Variants in DGKI observed in about 807,000 individuals in gnomAD.
DGKI encodes diacylglycerol kinase iota.
DGKI carries 55 observed loss-of-function variants against 147.5 expected under a neutral mutation model. That is an observed-to-expected ratio of 0.37 (90% CI 0.30 to 0.47). DGKI has a LOEUF of 0.47. Among genes scored for constraint, DGKI ranks in the 20% least tolerant of loss-of-function variants. The probability of loss-of-function intolerance (pLI) is 1.00; values close to 1 mark genes in which losing one functional copy is unlikely to be tolerated. For missense variants in DGKI, 1,007 were observed against 1,323.8 expected (o/e 0.76, Z 3.71); for synonymous variants, 469 against 477.1 (o/e 0.98, Z 0.22).
intron 21 of DGKI, among the ~76,000 whole-genome samples, chr7:137,499,263 T>C (rs970440899): frequency 6.6e-6 from 1 of 152,166 alleles, no homozygotes; most frequent in African/African-American, 2.4e-5. Context: ...TATTTCTTAG[T>C]CTAAGTGGCA....
intron 27 of DGKI, among the ~76,000 whole-genome samples, chr7:137,459,770 G>A (rs373151081): frequency 6.6e-6 from 1 of 151,826 alleles, no homozygotes; most frequent in Admixed American, 6.6e-5. Flanking sequence ...CACTGAGCCC[G>A]GCCAAAAATT....
intron 28 of DGKI, among the ~76,000 whole-genome samples, chr7:137,436,297 C>G (rs1813283694): frequency 6.6e-6 from 1 of 152,076 alleles, no homozygotes; most frequent in African/African-American, 2.4e-5. Context: ...TTTTCTGTGT[C>G]AAGGGTTTTT....
chr7:137,384,462 C>A lies in DGKI; in HGVS notation c.*6758G>T, dbSNP rs755249853. On this transcript the variant is annotated 3_prime_UTR_variant, in exon 33 of 33. Coordinates refer to ENST00000614521, the MANE Select transcript of DGKI (RefSeq NM_001321708.2). ...ATCTGAACAATTGATATAAAACATC[C>A]TTGAAGGCAATGATGGAAAATGACT... The A allele has an allele frequency of 5.3e-5, 8 of 151,620 alleles. No individual in the cohort carries two copies. Among genetic ancestry groups the A allele is most frequent in the Non-Finnish European group, 1.0e-4 (7 of 67,906 alleles). 9.4% of individuals were successfully genotyped at this position (151,620 alleles called of 1,614,324 possible).
intron 28 of DGKI, among the ~76,000 whole-genome samples, chr7:137,440,280 G>T (rs1813447516): frequency 6.6e-6 from 1 of 152,190 alleles, no homozygotes; most frequent in African/African-American, 2.4e-5. Flanking sequence ...GTTTAGCATG[G>T]CAGGTTTCCC....
chr7:137,603,602 A>G (rs2128990789), intron 10 of DGKI, among the ~76,000 whole-genome samples: 1 of 152,336 alleles, frequency 6.6e-6, no homozygotes, highest in South Asian at 2.1e-4. Flanking sequence ...CAAAGATGGG[A>G]ACTTCTCTGA....
intron 27 of DGKI, among the ~76,000 whole-genome samples, chr7:137,459,575 C>T (rs997687460): frequency 2.7e-5 from 4 of 149,746 alleles, no homozygotes; most frequent in Non-Finnish European, 5.9e-5. Context: ...CCCGGGTTCA[C>T]GCCATTCTCC....
Position 137,635,421 on chromosome 7 carries a change from C to T in DGKI, c.804+10051G>A, listed in dbSNP as rs117406103. ...TAGAAGGGGCAGCAACTCATCTTGA[C>T]TGGAATCAATGCATATTCAGGATAT... On this transcript the variant is annotated intron_variant, in intron 6 of 32. Coordinates refer to ENST00000614521, the MANE Select transcript of DGKI (RefSeq NM_001321708.2). Among the ~76,000 whole-genome samples, 293 of 152,338 alleles carry T rather than the reference C, an allele frequency of 1.9e-3. 1 individual carries two copies. Among genetic ancestry groups the T allele is most frequent in the Non-Finnish European group, 3.6e-3 (247 of 68,032 alleles).
chr7:137,650,811 C>G (rs1273922971), intron 5 of DGKI, among the ~76,000 whole-genome samples: 2 of 152,194 alleles, frequency 1.3e-5, no homozygotes, highest in East Asian at 3.8e-4. Context: ...ACAGCCTAAA[C>G]AGACTAAGAC....
chr7:137,769,081 A>G (rs1425337958), intron 1 of DGKI, among the ~76,000 whole-genome samples: 1 of 152,224 alleles, frequency 6.6e-6, no homozygotes, highest in African/African-American at 2.4e-5. Flanking sequence ...CTGAGAAAAG[A>G]CAGCATTTAT....
rs1356463604 is a variant in DGKI, at chr7:137,581,879, T to C, written c.1613A>G (p.His538Arg). ...NNYFSLGFDAHVTLEFHESRE... is the reference protein window; with the variant it reads ...NNYFSLGFDARVTLEFHESRE... Reference sequence around the variant, plus strand: ...GGATTCATGGAACTCCAGTGTGACATGGGCATCAAATCCAAGGCTGAAGTA... The same window carrying C: ...GGATTCATGGAACTCCAGTGTGACACGGGCATCAAATCCAAGGCTGAAGTA... The change falls in exon 15 of 33, where the codon CAT becomes CGT. Residue 538 changes from histidine to arginine, a missense_variant. Around this residue, in one of 5 missense-constraint regions of DGKI, gnomAD observed 224 missense variants for 382.7 expected, o/e 0.59. Transcript: ENST00000614521. 18 of 1,613,468 alleles carry C rather than the reference T, an allele frequency of 1.1e-5. No individual in the cohort carries two copies. Among genetic ancestry groups the C allele is most frequent in the Admixed American group, 1.7e-5 (1 of 59,982 alleles).
At chr7:137,415,938 C>T (rs1296256152) in intron 28 of DGKI, among the ~76,000 whole-genome samples, 1 of 152,098 alleles carries the variant, frequency 6.6e-6, no homozygotes, top group Middle Eastern at 3.4e-3. Flanking sequence ...TGCAGTGAGC[C>T]GAGATCATGC....
intron 1 of DGKI, among the ~76,000 whole-genome samples, chr7:137,727,785 T>C (rs960556492): frequency 1.3e-5 from 2 of 152,226 alleles, no homozygotes; most frequent in Admixed American, 6.5e-5. Flanking sequence ...TAATTTTTCA[T>C]AGCAGAAGCT....
intron 20 of DGKI, among the ~76,000 whole-genome samples, chr7:137,549,098 A>T (rs1315279649): frequency 1.3e-5 from 2 of 152,242 alleles, no homozygotes; most frequent in African/African-American, 4.8e-5. Flanking sequence ...AACAGGACAA[A>T]TGAATGGATG....
chr7:137,741,653 C>T lies in DGKI; in HGVS notation c.402-51651G>A, dbSNP rs531200120. On this transcript the variant is annotated intron_variant, in intron 1 of 32. Coordinates refer to ENST00000614521, the MANE Select transcript of DGKI (RefSeq NM_001321708.2). Reference sequence around the variant, plus strand: ...TGCTGAATCTGCACAGAAACCAGCTCGCCAAACATGACCACCTGTACCCAA... The same window carrying T: ...TGCTGAATCTGCACAGAAACCAGCTTGCCAAACATGACCACCTGTACCCAA... 2.0e-3 allele frequency among the ~76,000 whole-genome samples: 297 copies of T among 152,274 alleles called. 8 individuals carry two copies. The highest frequency in any genetic ancestry group is 3.4e-3 in the Middle Eastern group (1 of 294).
chr7:137,596,030 A>AAAAGAAAG (rs1563103532), intron 12 of DGKI, among the ~76,000 whole-genome samples: 17 of 132,884 alleles, frequency 1.3e-4, no homozygotes, highest in African/African-American at 6.2e-4. Context: ...AAAAAAAAAA[A>AAAAGAAAG]AAAGAAAGAA....
intron 20 of DGKI, among the ~76,000 whole-genome samples, chr7:137,529,126 A>G (rs904448347): frequency 1.3e-5 from 2 of 152,174 alleles, no homozygotes; most frequent in African/African-American, 4.8e-5. Flanking sequence ...GAGATCTTCA[A>G]AGTCACATTG....
intron 21 of DGKI, among the ~76,000 whole-genome samples, chr7:137,489,088 C>A (rs1815670493): frequency 6.6e-6 from 1 of 152,106 alleles, no homozygotes; most frequent in Non-Finnish European, 1.5e-5. Context: ...CACCCCATTC[C>A]CTTATGTTTC....
chr7:137,555,049 T>C (rs1220276250), intron 19 of DGKI, among the ~76,000 whole-genome samples: 1 of 150,590 alleles, frequency 6.6e-6, no homozygotes, highest in African/African-American at 2.4e-5. Flanking sequence ...CCTGAGTAGC[T>C]GGGACTACAG....
chr7:137,593,597 A>G (rs1185249167), intron 12 of DGKI, among the ~76,000 whole-genome samples: 1 of 152,252 alleles, frequency 6.6e-6, no homozygotes, highest in Non-Finnish European at 1.5e-5. Context: ...CATTGGCCAC[A>G]TGTGGTGATC....
Sources: gnomAD v4.1 joint callset for allele counts (sites outside exome capture counted in the v4.1 genomes callset) on GRCh38, gnomAD v4.1.1 for gene constraint, gnomAD v4.1.1 regional missense constraint, MANE v1.5 for transcripts, NCBI Gene and HGNC (gene_info 2026-07-23, HGNC 2026-07-21) for gene names.